DGKH: variants seen among roughly 807,000 people sequenced by gnomAD.
DGKH encodes the protein diacylglycerol kinase eta, also known as DAG kinase eta.
DGKH carries 90 observed loss-of-function variants against 159.3 expected under a neutral mutation model. The observed-to-expected ratio is 0.57, with a 90% confidence interval of 0.48 to 0.67. The LOEUF is 0.67. Among genes scored for constraint, DGKH ranks in the 30% least tolerant of loss-of-function variants. DGKH has a pLI of 0.00. For missense variants in DGKH, 1,181 were observed against 1,506.1 expected, an observed-to-expected ratio of 0.78 and a Z score of 3.57; for synonymous variants, 536 against 553.8, an observed-to-expected ratio of 0.97 and a Z score of 0.45.
upstream of DGKH, among the ~76,000 whole-genome samples, chr13:42,044,446 T>C (rs893164370): frequency 2.0e-5 from 3 of 152,110 alleles, no homozygotes; most frequent in Non-Finnish European, 4.4e-5. Context: ...CGTGCCACCA[T>C]GCCTGGCTAA....
rs753718547 is a variant in DGKH, at chr13:42,219,649, A to G, written c.3334-37A>G. On this transcript the variant is annotated intron_variant, in intron 27 of 29. Transcript: ENST00000337343. ...CAGAGTAGGTTTTTCTCCTTTTCAT[A>G]TCCTGAAAAAATTATTTTCTTGCTC... is the stretch of plus-strand genomic sequence containing the variant. 5.1e-6 allele frequency: 8 copies of G among 1,571,462 alleles called. No individual in the cohort carries two copies. In the East Asian group the frequency reaches 6.8e-5, roughly 13 times the overall value.
chr13:42,134,049 A>G (rs932790403), intron 3 of DGKH, among the ~76,000 whole-genome samples: 1 of 152,172 alleles, frequency 6.6e-6, no homozygotes, highest in Non-Finnish European at 1.5e-5. Flanking sequence ...TGAAGTTTCT[A>G]AGGGTGATAT....
chr13:42,107,995 G>A (rs1449560068), intron 1 of DGKH, among the ~76,000 whole-genome samples: 1 of 152,150 alleles, frequency 6.6e-6, no homozygotes. Flanking sequence ...GAAAAGTCTT[G>A]TTTGAGTGTT....
At chr13:42,095,354 G>C (rs1336512147) in intron 1 of DGKH, among the ~76,000 whole-genome samples, 1 of 151,644 alleles carries the variant, frequency 6.6e-6, no homozygotes, top group African/African-American at 2.4e-5. Flanking sequence ...GTAGAGATGG[G>C]ATTTCACCAT....
At chr13:42,135,319 C>T (rs897441621) in intron 3 of DGKH, among the ~76,000 whole-genome samples, 2 of 151,160 alleles carry the variant, frequency 1.3e-5, no homozygotes, top group Non-Finnish European at 3.0e-5. Flanking sequence ...GGCAAAATGG[C>T]GAAACCCCAT....
downstream of DGKH, among the ~76,000 whole-genome samples, chr13:42,245,587 AC>A (rs1444108753): frequency 6.6e-6 from 1 of 151,920 alleles, no homozygotes; most frequent in African/African-American, 2.4e-5. Flanking sequence ...ACTAACCAAT[AC>A]TTTTGTTTTT....
At chr13:42,114,730 T>G (rs1954933665) in intron 1 of DGKH, among the ~76,000 whole-genome samples, 1 of 152,234 alleles carries the variant, frequency 6.6e-6, no homozygotes, top group Admixed American at 6.5e-5. Flanking sequence ...ATTTCATGAT[T>G]GATTTTTGCT....
intron 1 of DGKH, among the ~76,000 whole-genome samples, chr13:42,088,112 C>T (rs1020020007): frequency 1.1e-4 from 16 of 152,108 alleles, no homozygotes; most frequent in African/African-American, 1.9e-4. Context: ...GACAATAGAG[C>T]GACAGTTTTA....
At chr13:42,142,498 T>G (rs1955592008) in intron 3 of DGKH, among the ~76,000 whole-genome samples, 1 of 151,530 alleles carries the variant, frequency 6.6e-6, no homozygotes, top group African/African-American at 2.4e-5. Context: ...GTATGGCCAT[T>G]TTCATGATAT....
intron 12 of DGKH, 46 bp from the exon 13 acceptor site, chr13:42,178,089 T>C (rs758444616): frequency 6.8e-7 from 1 of 1,468,068 alleles, no homozygotes; most frequent in Non-Finnish European, 9.3e-7. Flanking sequence ...GTGAGTTGTA[T>C]AAATGCCAGC....
intron 1 of DGKH, among the ~76,000 whole-genome samples, chr13:42,083,129 A>AACTAC (rs888669472): frequency 6.6e-6 from 1 of 152,232 alleles, no homozygotes; most frequent in African/African-American, 2.4e-5. Context: ...ATTTTAAAAG[A>AACTAC]TTAGTGAATA....
intron 1 of DGKH, among the ~76,000 whole-genome samples, chr13:42,071,348 G>A (rs1428149798): frequency 6.6e-6 from 1 of 152,168 alleles, no homozygotes; most frequent in Non-Finnish European, 1.5e-5. Context: ...CAAGAAAGGG[G>A]CAGCAACTCT....
At chr13:42,096,510 T>A (rs1295193934) in intron 1 of DGKH, among the ~76,000 whole-genome samples, 2 of 152,196 alleles carry the variant, frequency 1.3e-5, no homozygotes, top group African/African-American at 4.8e-5. Context: ...CCTGGGATGA[T>A]TCCATGTTTT....
intron 1 of DGKH, among the ~76,000 whole-genome samples, chr13:42,057,867 A>G (rs930666129): frequency 3.3e-5 from 5 of 152,120 alleles, no homozygotes; most frequent in African/African-American, 1.2e-4. Context: ...TTTTTAGGCA[A>G]TGAGCCATGT....
rs530316135 is a variant in DGKH at position 42,071,642 on chromosome 13, CAGA to C, written c.192+22681_192+22683del. On this transcript the variant is annotated intron_variant, in intron 1 of 29. Coordinates refer to ENST00000337343, the MANE Select transcript of DGKH (RefSeq NM_178009.5). Reference sequence around the variant, plus strand: ...GGAACCCCTGGCGGCTGTTGGATAACAGAAGATGTCCTTTGTTAATGAACAGGT... The same window carrying C: ...GGAACCCCTGGCGGCTGTTGGATAACAGATGTCCTTTGTTAATGAACAGGT... 8.5e-5 allele frequency among the ~76,000 whole-genome samples: 13 copies of C among 152,342 alleles called. No individual in the cohort carries two copies. The South Asian group carries it at 2.3e-3, about 27-fold the overall frequency.
chr13:42,204,179 G>A (rs1257115238), intron 20 of DGKH, among the ~76,000 whole-genome samples: 1 of 152,108 alleles, frequency 6.6e-6, no homozygotes, highest in African/African-American at 2.4e-5. Flanking sequence ...TACAGAGATA[G>A]TATTTTTCCC....
chr13:42,067,733 T>C (rs2137683893), intron 1 of DGKH, among the ~76,000 whole-genome samples: 1 of 152,244 alleles, frequency 6.6e-6, no homozygotes, highest in East Asian at 1.9e-4. Context: ...GGCCATGTTT[T>C]ATTTGTCCTT....
intron 26 of DGKH, among the ~76,000 whole-genome samples, chr13:42,218,359 G>GT (rs1184115312): frequency 6.6e-6 from 1 of 151,942 alleles, no homozygotes; most frequent in Non-Finnish European, 1.5e-5. Context: ...TTTTACAACA[G>GT]TTTTTCATCA....
At chr13:42,054,334 A>G (rs895703945) in intron 1 of DGKH, among the ~76,000 whole-genome samples, 1 of 152,228 alleles carries the variant, frequency 6.6e-6, no homozygotes, top group African/African-American at 2.4e-5. Flanking sequence ...CCAGAAGAAT[A>G]TTAGGAAATG....
Sources: allele counts gnomAD v4.1 joint callset (sites outside exome capture counted in the v4.1 genomes callset), GRCh38; gene constraint gnomAD v4.1.1; transcripts MANE v1.5; gene names NCBI Gene and HGNC (gene_info 2026-07-23, HGNC 2026-07-21).